The following SEL1L3 variants were observed in gnomAD, a reference collection of about 807,000 sequenced individuals.
The protein encoded by SEL1L3 is SEL1L family member 3.
SEL1L3 carries 76 observed loss-of-function variants against 142.8 expected under a neutral mutation model. That is an observed-to-expected ratio of 0.53 (90% CI 0.44 to 0.64). The LOEUF is 0.64. Ranked by LOEUF, SEL1L3 falls within the 30% of genes least tolerant of loss-of-function variation. SEL1L3 has a pLI of 0.00. For synonymous variants in SEL1L3, 504 were observed against 519.6 expected (o/e 0.97, Z 0.41); for missense variants, 1,262 against 1,381.7 (o/e 0.91, Z 1.37).
rs557211804 is a variant in SEL1L3 at position 25,850,291 on chromosome 4, A to T, written c.163-2427T>A. On this transcript the variant is annotated intron_variant, in intron 1 of 23. Transcript: ENST00000399878. ...TGATAGTCAATGTCAATTAGAAACA[A>T]GGCTAACAATTCATACAAAAATGAG... 2.0e-4 allele frequency among the ~76,000 whole-genome samples: 30 copies of T among 152,336 alleles called. 1 individual carries two copies. The South Asian group carries it at 6.2e-3, about 32-fold the overall frequency.
chr4:25,746,179 T>C (rs1577543111), downstream of SEL1L3, among the ~76,000 whole-genome samples: 1 of 152,118 alleles, frequency 6.6e-6, no homozygotes, highest in East Asian at 1.9e-4. Flanking sequence ...TGAGAGCAGG[T>C]TGTTTAAAAG....
At chr4:25,831,197 G>A (rs1292975363) in intron 5 of SEL1L3, among the ~76,000 whole-genome samples, 3 of 151,962 alleles carry the variant, frequency 2.0e-5, no homozygotes, top group Non-Finnish European at 4.4e-5. Flanking sequence ...ATCTTCTATG[G>A]TGCTTTGCAA....
At chr4:25,764,221 G>A (rs182427488) in intron 20 of SEL1L3, among the ~76,000 whole-genome samples, 70 of 152,288 alleles carry the variant, frequency 4.6e-4, no homozygotes, top group Non-Finnish European at 8.4e-4. Flanking sequence ...TCATGAAGAT[G>A]AGAAAAGACT....
At chr4:25,736,077 C>A in the SEL1L3 span, among the ~76,000 whole-genome samples, 1 of 152,014 alleles carries the variant, frequency 6.6e-6, no homozygotes, top group Admixed American at 6.6e-5. Flanking sequence ...GATCCACCCG[C>A]CTCGGCCTCC....
At chr4:25,802,828 G>A (rs1040246826) in intron 10 of SEL1L3, among the ~76,000 whole-genome samples, 16 of 152,058 alleles carry the variant, frequency 1.1e-4, no homozygotes, top group Admixed American at 6.5e-4. Flanking sequence ...TGATCTACCC[G>A]CCTCGGTTTC....
At chr4:25,736,075 C>T in the SEL1L3 span, among the ~76,000 whole-genome samples, 89 of 151,880 alleles carry the variant, frequency 5.9e-4, no homozygotes, top group Admixed American at 1.7e-3. Context: ...GTGATCCACC[C>T]GCCTCGGCCT....
chr4:25,847,286 T>A lies in SEL1L3; in HGVS notation c.733+8A>T. On this transcript the variant is annotated splice_region_variant and intron_variant, in intron 2 of 23. Coordinates refer to ENST00000399878, the MANE Select transcript of SEL1L3 (RefSeq NM_015187.5). The stretch of plus-strand genomic sequence containing the variant: ...AGAATTAGGTTCCTAGCAAGATAGA[T>A]GACCTACCATTTTCCAGAGGACACT... 6.2e-7 allele frequency: 1 copy of A among 1,601,554 alleles called. No homozygotes were observed. Among genetic ancestry groups the A allele is most frequent in the Non-Finnish European group, 8.5e-7 (1 of 1,172,956 alleles).
chr4:25,820,387 G>A lies in SEL1L3; in HGVS notation c.1291-447C>T, dbSNP rs750543019. 1.3e-3 allele frequency among the ~76,000 whole-genome samples: 195 copies of A among 152,298 alleles called. 2 individuals are homozygous for A. Among genetic ancestry groups the A allele is most frequent in the Non-Finnish European group, 8.4e-4 (57 of 68,034 alleles). ...TGGCTTCAGGACAGGCCCCCCTAGT[G>A]GCTCACCCCATCTCACTTACGGGCC... On this transcript the variant is annotated intron_variant, in intron 7 of 23. Transcript: ENST00000399878.
Position 25,822,040 on chromosome 4 carries a change from CA to C in SEL1L3, c.1245del (p.Phe415LeufsTer4), listed in dbSNP as rs749047832. 4.3e-5 allele frequency: 69 copies of C among 1,613,694 alleles called. No homozygotes were observed. Among genetic ancestry groups the C allele is most frequent in the Non-Finnish European group, 2.5e-6 (3 of 1,179,856 alleles). ...CGAAGGCGATAGTACTTCAGGGGTC[CA>C]AAAAACCCTTCAATGCCAGCCACAT... ...SRYVAGIEGF[F>X]GPLKYYRLRS... On this transcript the variant is annotated frameshift_variant, in exon 7 of 24. Coordinates refer to ENST00000399878, the MANE Select transcript of SEL1L3 (RefSeq NM_015187.5). LOFTEE classifies it high-confidence loss of function.
chr4:25,848,700 C>T lies in SEL1L3; in HGVS notation c.163-836G>A, dbSNP rs114382663. ...GGTGGCTATTATTAAACACACACAA[C>T]GCATACACACAGAGAGAAAATAACA... On this transcript the variant is annotated intron_variant, in intron 1 of 23. Transcript: ENST00000399878. Among the ~76,000 whole-genome samples, 1,111 of 152,240 alleles carry T rather than the reference C, an allele frequency of 7.3e-3. 9 individuals are homozygous for T. Among genetic ancestry groups the T allele is most frequent in the Non-Finnish European group, 0.012 (824 of 68,022 alleles).
the SEL1L3 span, among the ~76,000 whole-genome samples, chr4:25,725,972 G>A: frequency 1.3e-5 from 2 of 152,088 alleles, no homozygotes; most frequent in Non-Finnish European, 2.9e-5. Flanking sequence ...CTCGTGACCG[G>A]TATCTTGTGA....
chr4:25,811,898 G>A (rs1301686829), intron 9 of SEL1L3, among the ~76,000 whole-genome samples: 1 of 152,134 alleles, frequency 6.6e-6, no homozygotes, highest in Admixed American at 6.6e-5. Context: ...GTGACATAAT[G>A]TCTACGACAG....
the SEL1L3 span, among the ~76,000 whole-genome samples, chr4:25,727,176 C>T: frequency 9.9e-5 from 15 of 152,196 alleles, no homozygotes; most frequent in African/African-American, 1.4e-4. Context: ...CCTCAGCCTC[C>T]GAAGTAGCTG....
At chr4:25,765,519 G>C in intron 19 of SEL1L3, 84 bp from the exon 20 acceptor site, 1 of 844,442 alleles carries the variant, frequency 1.2e-6, no homozygotes, top group African/African-American at 1.7e-5. Context: ...TCACATGAAT[G>C]CAAGTTTTTC....
At chr4:25,732,138 G>T in the SEL1L3 span, among the ~76,000 whole-genome samples, 9 of 152,200 alleles carry the variant, frequency 5.9e-5, no homozygotes, top group Non-Finnish European at 5.9e-5. Flanking sequence ...GTAAACATTG[G>T]TGTACACGTG....
intron 20 of SEL1L3, chr4:25,759,351 A>G: frequency 3.0e-6 from 1 of 335,794 alleles, no homozygotes; most frequent in Admixed American, 4.5e-5. Context: ...CTCAGAATAG[A>G]ACTTACTGGA....
intron 17 of SEL1L3, 27 bp from the exon 18 acceptor site, chr4:25,767,857 T>G: frequency 7.5e-7 from 1 of 1,325,150 alleles, no homozygotes; most frequent in Non-Finnish European, 1.1e-6. Flanking sequence ...AATAATAAAT[T>G]TCATATAGTG....
chr4:25,767,046 C>T (rs1198391950), intron 19 of SEL1L3, among the ~76,000 whole-genome samples: 2 of 152,194 alleles, frequency 1.3e-5, no homozygotes, highest in East Asian at 3.9e-4. Context: ...AACCCCAGCA[C>T]TTTGGGAGGC....
At chr4:25,776,462 C>G in intron 16 of SEL1L3, 102 bp from the exon 17 acceptor site, 1 of 811,400 alleles carries the variant, frequency 1.2e-6, no homozygotes, top group Non-Finnish European at 2.0e-6. Context: ...GAATATTTTG[C>G]TAGTTAGAAT....
Sources: gnomAD v4.1 joint callset for allele counts (sites outside exome capture counted in the v4.1 genomes callset) on GRCh38, gnomAD v4.1.1 for gene constraint, MANE v1.5 for transcripts, NCBI Gene and HGNC (gene_info 2026-07-23, HGNC 2026-07-21) for gene names.